The following PTPN13 variants were observed in gnomAD, a reference collection of about 807,000 sequenced individuals.
PTPN13 encodes protein tyrosine phosphatase non-receptor type 13, also known as tyrosine-protein phosphatase non-receptor type 13.
Under a neutral mutation model 284.0 loss-of-function variants are expected in PTPN13, and 191 were observed. That is an observed-to-expected ratio of 0.67 (90% CI 0.60 to 0.76). The LOEUF is 0.76. Ranked by LOEUF, PTPN13 falls within the 30% of genes least tolerant of loss-of-function variation. PTPN13 has a pLI of 0.00. For synonymous variants in PTPN13, 986 were observed against 1,022.3 expected (o/e 0.96, Z 0.68); for missense variants, 2,797 against 2,939.9 (o/e 0.95, Z 1.12).
At position 86,672,397 on chromosome 4, in the gene PTPN13, A is replaced by T. The variant is rs201906238; in HGVS notation, c.148A>T (p.Ile50Phe). 3 of 1,555,516 alleles carry T rather than the reference A, an allele frequency of 1.9e-6. No individual in the cohort carries two copies. In the African/African-American group the frequency reaches 4.1e-5, roughly 21 times the overall value. The change falls in exon 3 of 48, where the codon ATC becomes TTC. Residue 50 changes from isoleucine to phenylalanine, a missense_variant. Ile to Phe is a conservative substitution (Grantham distance 21). Coordinates refer to ENST00000411767, the MANE Select transcript of PTPN13 (RefSeq NM_080683.3). ...AGCTGATCCTGCTGCCCTTGGCTTCATCATTTCTCCATGGTCTCTGCTGTT... is the reference window on the plus strand; with the variant it reads ...AGCTGATCCTGCTGCCCTTGGCTTCTTCATTTCTCCATGGTCTCTGCTGTT... ...SLADPAALGF[I>F]ISPWSLLLLP...
chr4:86,731,564 G>A (rs921387427), intron 10 of PTPN13, among the ~76,000 whole-genome samples: 2 of 152,194 alleles, frequency 1.3e-5, no homozygotes, highest in Non-Finnish European at 2.9e-5. Flanking sequence ...TTCCAAGATA[G>A]TGATTACAGG....
chr4:86,747,581 C>CAGCAGT (rs1287341154), intron 17 of PTPN13, among the ~76,000 whole-genome samples: 1 of 127,688 alleles, frequency 7.8e-6, no homozygotes, highest in Non-Finnish European at 1.9e-5. Flanking sequence ...GCAGCAGCAG[C>CAGCAGT]AGTAGTAGTA....
rs1402972595 is a variant in PTPN13, at chr4:86,750,556, G to C, written c.2737G>C (p.Ala913Pro). The change falls in exon 18 of 48, where the codon GCC becomes CCC. Residue 913 changes from alanine (A) to proline (P), a missense_variant. Coordinates refer to ENST00000411767, the MANE Select transcript of PTPN13 (RefSeq NM_080683.3). ...ACGAGCAATCAGCACTGGCAGTCTG[G>C]CCAGCAGCACCCTCAACAAACTTGC... ...MGRAISTGSL[A>P]SSTLNKLAVR... 6.2e-7 allele frequency: 1 copy of C among 1,613,916 alleles called. No individual in the cohort carries two copies. The highest frequency in any genetic ancestry group is 1.1e-5 in the South Asian group (1 of 91,078).
In PTPN13 at chr4:86,741,685, G is replaced by A. The variant is rs2149169555; in HGVS notation, c.2356G>A (p.Glu786Lys). The A allele has an allele frequency of 6.2e-7, 1 of 1,613,770 alleles. No individual in the cohort carries two copies. The highest frequency in any genetic ancestry group is 2.2e-5 in the East Asian group (1 of 44,854). The change falls in exon 16 of 48, where the codon GAG (glutamate) becomes AAG (lysine). Residue 786 changes from glutamate to lysine, a missense_variant. Glu to Lys is a moderately conservative substitution (Grantham distance 56). Transcript: ENST00000411767. Reference protein sequence around the residue: ...YGVHFHRVHPEKKSQTGILLG... With the variant: ...YGVHFHRVHPKKKSQTGILLG... ...AGTTCATTTTCACCGAGTGCACCCT[G>A]AGAAGAAGTCACAAACAGGAATATT...
In PTPN13 at chr4:86,805,879, G is replaced by A. The variant is rs368866243; in HGVS notation, c.6745+510G>A. Among the ~76,000 whole-genome samples the A allele has an allele frequency of 7.9e-5, 12 of 152,196 alleles. No individual in the cohort carries two copies. In the East Asian group the frequency reaches 1.2e-3, roughly 15 times the overall value. ...GGAACAAAAGCAATCATTTTGGCCC[G>A]GTGCAGTGGCTCACACCTTTAATCC... On this transcript the variant is annotated intron_variant, in intron 44 of 47. Coordinates refer to ENST00000411767, the MANE Select transcript of PTPN13 (RefSeq NM_080683.3).
At chr4:86,756,600 A>G (rs967319847) in intron 20 of PTPN13, among the ~76,000 whole-genome samples, 4 of 152,176 alleles carry the variant, frequency 2.6e-5, no homozygotes, top group African/African-American at 4.8e-5. Context: ...GCAAACTTGC[A>G]TCAAAACAGT....
At chr4:86,653,081 T>C (rs1016074672) in intron 2 of PTPN13, among the ~76,000 whole-genome samples, 1 of 152,100 alleles carries the variant, frequency 6.6e-6, no homozygotes, top group Non-Finnish European at 1.5e-5. Context: ...TTCCAGAATT[T>C]CTACTTGATT....
intron 1 of PTPN13, among the ~76,000 whole-genome samples, chr4:86,632,231 C>G (rs1722545849): frequency 6.6e-6 from 1 of 152,118 alleles, no homozygotes; most frequent in Non-Finnish European, 1.5e-5. Flanking sequence ...CTTTTCCCTT[C>G]CCTAGCTAAG....
Position 86,701,316 on chromosome 4 carries a change from T to C in PTPN13, c.710T>C (p.Leu237Pro). Residue 237 changes from leucine (L) to proline (P), a missense_variant, in exon 7 of 48, where the codon CTT becomes CCT. By Grantham distance (98) the Leu-to-Pro change is moderately conservative. Transcript: ENST00000411767. ...CATCAGACCTTTCTTAACAAAGGGC[T>C]TAGTAAATCTATGGGATTTCTGTCC... ...LSHQTFLNKG[L>P]SKSMGFLSIK... The C allele has an allele frequency of 6.2e-7, 1 of 1,612,578 alleles. No homozygotes were observed. Among genetic ancestry groups the C allele is most frequent in the Non-Finnish European group, 8.5e-7 (1 of 1,178,996 alleles).
At chr4:86,779,932 G>C (rs1200514585) in intron 35 of PTPN13, among the ~76,000 whole-genome samples, 1 of 152,080 alleles carries the variant, frequency 6.6e-6, no homozygotes, top group Non-Finnish European at 1.5e-5. Context: ...AAAACTTAAT[G>C]AACTGTGATT....
chr4:86,666,524 A>G (rs1228905412), intron 2 of PTPN13, among the ~76,000 whole-genome samples: 1 of 152,226 alleles, frequency 6.6e-6, no homozygotes, highest in African/African-American at 2.4e-5. Context: ...ATGGCATTGT[A>G]CCTGATCTTT....
At chr4:86,698,631 T>G (rs1730813611) in intron 6 of PTPN13, among the ~76,000 whole-genome samples, 1 of 152,104 alleles carries the variant, frequency 6.6e-6, no homozygotes, top group South Asian at 2.1e-4. Flanking sequence ...AAAGCAGGTA[T>G]GTAAAGAGAG....
intron 2 of PTPN13, among the ~76,000 whole-genome samples, chr4:86,636,244 A>G (rs907009044): frequency 1.3e-5 from 2 of 152,220 alleles, no homozygotes; most frequent in Non-Finnish European, 1.5e-5. Flanking sequence ...TATAGGGTCA[A>G]CAAGTATTTT....
chr4:86,767,303 T>C (rs1213543521), intron 27 of PTPN13, among the ~76,000 whole-genome samples: 1 of 150,460 alleles, frequency 6.6e-6, no homozygotes, highest in Non-Finnish European at 1.5e-5. Context: ...TGGAGTGCAA[T>C]GGCATGACCT....
At chr4:86,599,108 T>G (rs1397865117) in intron 1 of PTPN13, among the ~76,000 whole-genome samples, 2 of 152,144 alleles carry the variant, frequency 1.3e-5, no homozygotes, top group African/African-American at 4.8e-5. Context: ...CTCAGACTAT[T>G]AAACCAGAAT....
chr4:86,699,383 C>G (rs1017304234), intron 6 of PTPN13, among the ~76,000 whole-genome samples: 8 of 151,550 alleles, frequency 5.3e-5, no homozygotes, highest in African/African-American at 1.7e-4. Context: ...GAGACTCTAT[C>G]CCCCCTCCAA....
In PTPN13 at chr4:86,763,126, G is replaced by A. The variant is rs749733308; in HGVS notation, c.3953G>A (p.Arg1318His). Reference sequence around the variant, plus strand: ...TCTGATGTAACTGATTACTCAGACCGTGGAGATTCAGACATGGATGAAGCC... The same window carrying A: ...TCTGATGTAACTGATTACTCAGACCATGGAGATTCAGACATGGATGAAGCC... Reference protein sequence around the residue: ...GISDVTDYSDRGDSDMDEATY... With the variant: ...GISDVTDYSDHGDSDMDEATY... The change falls in exon 24 of 48, where the codon CGT (arginine) becomes CAT (histidine). Residue 1318 changes from arginine (R) to histidine (H), a missense_variant. Physicochemically the swap from Arg to His is conservative, Grantham distance 29. Coordinates refer to ENST00000411767, the MANE Select transcript of PTPN13 (RefSeq NM_080683.3). 1.9e-5 allele frequency: 30 copies of A among 1,613,206 alleles called. No individual in the cohort carries two copies. In the East Asian group the frequency reaches 2.0e-4, roughly 11 times the overall value.
intron 2 of PTPN13, among the ~76,000 whole-genome samples, chr4:86,654,517 A>T (rs1181178115): frequency 1.3e-5 from 2 of 152,244 alleles, no homozygotes; most frequent in Admixed American, 1.3e-4. Context: ...GTAGTCATTC[A>T]GAAGCAGGTT....
intron 2 of PTPN13, among the ~76,000 whole-genome samples, chr4:86,652,213 T>G (rs1346776500): frequency 6.6e-6 from 1 of 152,238 alleles, no homozygotes; most frequent in African/African-American, 2.4e-5. Flanking sequence ...GAGTTTGGTT[T>G]GCTATTGCTT....
Sources: allele counts gnomAD v4.1 joint callset (sites outside exome capture counted in the v4.1 genomes callset), GRCh38; gene constraint gnomAD v4.1.1; transcripts MANE v1.5; gene names NCBI Gene and HGNC (gene_info 2026-07-23, HGNC 2026-07-21).